The following GABRR3 variants were observed in gnomAD, a reference collection of about 807,000 sequenced individuals.
GABRR3 encodes gamma-aminobutyric acid receptor subunit rho-3.
Under a neutral mutation model 43.2 loss-of-function variants are expected in GABRR3, and 29 were observed. The ratio of observed to expected loss-of-function variants is 0.67; its 90% CI spans 0.50 to 0.92. The LOEUF (loss-of-function observed/expected upper bound fraction) is 0.92. Among genes scored for constraint, GABRR3 ranks in the 40% least tolerant of loss-of-function variants. GABRR3 has a pLI of 0.00. For missense variants in GABRR3, 576 were observed against 572.3 expected, an observed-to-expected ratio of 1.01 and a Z score of -0.07; for synonymous variants, 206 against 195.9, an observed-to-expected ratio of 1.05 and a Z score of -0.43.
intron 4 of GABRR3, 89 bp from the exon 5 acceptor site, chr3:98,012,656 T>A (rs1036314992): frequency 2.4e-6 from 2 of 847,620 alleles, no homozygotes; most frequent in Non-Finnish European, 3.8e-6. Context: ...GACTCATTCC[T>A]ATGGTGTTAA....
chr3:98,031,045 G>T (rs1036104845), intron 2 of GABRR3, among the ~76,000 whole-genome samples: 3 of 152,134 alleles, frequency 2.0e-5, no homozygotes, highest in Admixed American at 2.0e-4. Context: ...AGAAAACGTG[G>T]TACATCAGAT....
exon 2 of GABRR3, chr3:98,034,951 T>C: frequency 6.2e-7 from 1 of 1,612,988 alleles, no homozygotes; most frequent in Non-Finnish European, 8.5e-7. Flanking sequence ...ATGATCCAGA[T>C]GTAGGTGAAG....
At chr3:97,998,666 C>T in intron 8 of GABRR3, 1 of 152,028 alleles carries the variant, frequency 6.6e-6, no homozygotes, top group East Asian at 1.9e-4. Context: ...CAGATTTCTC[C>T]CTGTATTTCA....
rs556383848 is a variant in GABRR3, at chr3:98,018,315, G to A, written c.239-593C>T. ...ACAGGGACAACACAGATCAGATTCC[G>A]AAGTGTCCCTTTGCAGATCAGCAGC... On this transcript the variant is annotated intron_variant, in intron 3 of 9. Transcript: ENST00000621172. 2.6e-5 allele frequency among the ~76,000 whole-genome samples: 4 copies of A among 152,320 alleles called. No individual in the cohort carries two copies. The South Asian group carries it at 6.2e-4, about 24-fold the overall frequency.
intron 3 of GABRR3, among the ~76,000 whole-genome samples, chr3:98,024,383 A>G (rs1199973714): frequency 2.6e-5 from 4 of 151,504 alleles, no homozygotes; most frequent in African/African-American, 9.7e-5. Flanking sequence ...AAAAAAAAAA[A>G]AAAAAAAGAA....
chr3:98,003,205 T>C (rs1191420008), intron 7 of GABRR3, among the ~76,000 whole-genome samples: 1 of 152,116 alleles, frequency 6.6e-6, no homozygotes, highest in Non-Finnish European at 1.5e-5. Flanking sequence ...CACTGAGAGT[T>C]TCAGTGATGG....
At chr3:98,000,961 T>C (rs1706631542) in intron 8 of GABRR3, 1 of 152,248 alleles carries the variant, frequency 6.6e-6, no homozygotes, top group Admixed American at 6.5e-5. Flanking sequence ...CAGAGGCATA[T>C]AGCATGTTAG....
intron 4 of GABRR3, among the ~76,000 whole-genome samples, chr3:98,013,399 T>C (rs1706832377): frequency 6.6e-6 from 1 of 152,254 alleles, no homozygotes; most frequent in Non-Finnish European, 1.5e-5. Context: ...TCCAAATATT[T>C]GGTTGTTTGA....
intron 8 of GABRR3, among the ~76,000 whole-genome samples, chr3:97,994,225 C>T (rs905380862): frequency 6.6e-6 from 1 of 152,212 alleles, no homozygotes; most frequent in African/African-American, 2.4e-5. Flanking sequence ...TCACCAACAC[C>T]TTTCTATCCT....
At chr3:98,028,938 G>C (rs918868371) in intron 2 of GABRR3, among the ~76,000 whole-genome samples, 4 of 152,082 alleles carry the variant, frequency 2.6e-5, no homozygotes, top group African/African-American at 9.7e-5. Flanking sequence ...ATATCATGGA[G>C]CATCAGATTT....
At chr3:97,996,267 A>G (rs1706552310) in intron 8 of GABRR3, among the ~76,000 whole-genome samples, 2 of 152,200 alleles carry the variant, frequency 1.3e-5, no homozygotes, top group African/African-American at 4.8e-5. Flanking sequence ...CCTAGGCAGA[A>G]CGAAAATATT....
At chr3:98,017,474 T>C (rs555387577) in intron 4 of GABRR3, among the ~76,000 whole-genome samples, 181 bp downstream of exon 4, 123 of 152,322 alleles carry the variant, frequency 8.1e-4, no homozygotes, top group African/African-American at 2.8e-3. Flanking sequence ...ATGAGAATTC[T>C]AATCAAGGTT....
intron 3 of GABRR3, among the ~76,000 whole-genome samples, chr3:98,019,819 C>T (rs1162815445): frequency 6.6e-6 from 1 of 152,122 alleles, no homozygotes; most frequent in Non-Finnish European, 1.5e-5. Flanking sequence ...CCGCCTAGGC[C>T]TCCTAAAGTG....
intron 5 of GABRR3, among the ~76,000 whole-genome samples, chr3:98,010,419 G>A (rs1252276046): frequency 6.6e-6 from 1 of 152,062 alleles, no homozygotes; most frequent in African/African-American, 2.4e-5. Context: ...ACATAGTAAT[G>A]ACTGACCACC....
At chr3:98,028,522 T>A (rs1165069502) in intron 2 of GABRR3, among the ~76,000 whole-genome samples, 1 of 152,192 alleles carries the variant, frequency 6.6e-6, no homozygotes, top group Non-Finnish European at 1.5e-5. Context: ...TCATCCGCTA[T>A]CTCAACAACA....
intron 4 of GABRR3, among the ~76,000 whole-genome samples, chr3:98,013,659 G>T (rs1434253782): frequency 6.6e-6 from 1 of 152,146 alleles, no homozygotes; most frequent in Non-Finnish European, 1.5e-5. Flanking sequence ...GAGCTAGTTT[G>T]TCCTAGGTTC....
At chr3:98,003,979 G>A (rs570917849) in intron 7 of GABRR3, among the ~76,000 whole-genome samples, 30 of 152,232 alleles carry the variant, frequency 2.0e-4, no homozygotes, top group East Asian at 7.7e-4. Flanking sequence ...GGATGGGGAC[G>A]GGTACATCTG....
At chr3:97,992,794 A>G (rs1706487638) in intron 9 of GABRR3, 58 bp downstream of exon 9, 2 of 1,464,080 alleles carry the variant, frequency 1.4e-6, no homozygotes, top group Non-Finnish European at 1.8e-6. Context: ...AGGGCAATAG[A>G]TAAGGGTAGT....
intron 6 of GABRR3, 72 bp from the exon 7 acceptor site, chr3:98,007,976 CT>C: frequency 7.8e-7 from 1 of 1,289,166 alleles, no homozygotes; most frequent in South Asian, 1.5e-5. Flanking sequence ...ATAACCATGT[CT>C]TATGTGGCTC....
Sources: allele counts gnomAD v4.1 joint callset (sites outside exome capture counted in the v4.1 genomes callset), GRCh38; gene constraint gnomAD v4.1.1; transcripts MANE v1.5; gene names NCBI Gene and HGNC (gene_info 2026-07-23, HGNC 2026-07-21).